SPOCK3: variants seen among roughly 807,000 people sequenced by gnomAD.
The protein encoded by SPOCK3 is SPARC (osteonectin), cwcv and kazal like domains proteoglycan 3, also known as testican-3.
In SPOCK3, 30 loss-of-function variants were observed where a neutral mutation model predicts 56.6. The ratio of observed to expected loss-of-function variants is 0.53; its 90% confidence interval spans 0.40 to 0.72. The LOEUF (loss-of-function observed/expected upper bound fraction) is 0.72, where lower values mean the gene tolerates loss of function less well. Ranked by LOEUF, SPOCK3 falls within the 30% of genes least tolerant of loss-of-function variation. The pLI, the probability that SPOCK3 is intolerant of heterozygous loss-of-function variation, is 0.00. For missense variants in SPOCK3, 527 were observed against 530.0 expected, an observed-to-expected ratio of 0.99 and a Z score of 0.06; for synonymous variants, 196 against 183.3, an observed-to-expected ratio of 1.07 and a Z score of -0.56.
rs1342891534 is a variant in SPOCK3 at position 167,222,322 on chromosome 4, T to C, written c.189+11663A>G. Among the ~76,000 whole-genome samples, 3 of 151,960 alleles carry C rather than the reference T, an allele frequency of 2.0e-5. No individual in the cohort carries two copies. The East Asian group carries it at 5.8e-4, about 29-fold the overall frequency. On this transcript the variant is annotated intron_variant, in intron 2 of 10. Transcript: ENST00000357545. Reference sequence around the variant, plus strand: ...GCAAAATGGGATGTGGTTAAATGAGTATAAAGTTTCAGTTCTGCAATGAAA... The same window carrying C: ...GCAAAATGGGATGTGGTTAAATGAGCATAAAGTTTCAGTTCTGCAATGAAA...
chr4:167,087,872 T>A (rs1250020502), intron 2 of SPOCK3, among the ~76,000 whole-genome samples: 1 of 152,142 alleles, frequency 6.6e-6, no homozygotes, highest in Non-Finnish European at 1.5e-5. Context: ...CCTTTAGCTA[T>A]CAGAATTGTG....
intron 2 of SPOCK3, among the ~76,000 whole-genome samples, chr4:167,123,910 TA>T (rs1762073609): frequency 6.6e-6 from 1 of 151,892 alleles, no homozygotes; most frequent in Non-Finnish European, 1.5e-5. Flanking sequence ...CACGCCTGGC[TA>T]ATTTTTTGTA....
At chr4:166,828,949 T>G (rs769973186) in intron 6 of SPOCK3, among the ~76,000 whole-genome samples, 5 of 152,050 alleles carry the variant, frequency 3.3e-5, no homozygotes, top group Non-Finnish European at 5.9e-5. Context: ...CGATGATGCA[T>G]CTACTGTTTC....
intron 2 of SPOCK3, among the ~76,000 whole-genome samples, chr4:167,147,344 C>T (rs926657523): frequency 6.6e-6 from 1 of 152,094 alleles, no homozygotes; most frequent in African/African-American, 2.4e-5. Flanking sequence ...AAGTCCAGGA[C>T]CAGTTGGACT....
chr4:166,835,125 T>C (rs1171165802), intron 6 of SPOCK3, among the ~76,000 whole-genome samples: 1 of 152,084 alleles, frequency 6.6e-6, no homozygotes, highest in African/African-American at 2.4e-5. Context: ...ATGTCTTACA[T>C]TTATCTATAA....
intron 6 of SPOCK3, among the ~76,000 whole-genome samples, chr4:166,797,786 T>G (rs2126676555): frequency 6.6e-6 from 1 of 152,312 alleles, no homozygotes; most frequent in Non-Finnish European, 1.5e-5. Context: ...TATAAAATAT[T>G]TATTGTGTAT....
At chr4:166,774,731 T>C (rs747636560) in intron 7 of SPOCK3, among the ~76,000 whole-genome samples, 1 of 152,154 alleles carries the variant, frequency 6.6e-6, no homozygotes, top group Non-Finnish European at 1.5e-5. Context: ...TGGGAACACA[T>C]ATAAAGCTGT....
intron 3 of SPOCK3, among the ~76,000 whole-genome samples, chr4:167,023,081 G>T (rs1751353058): frequency 2.0e-5 from 3 of 150,720 alleles, no homozygotes; most frequent in Non-Finnish European, 3.0e-5. Flanking sequence ...TTTTTTTTTT[G>T]GCTAAATGGT....
At chr4:166,953,084 G>A (rs969528131) in intron 4 of SPOCK3, among the ~76,000 whole-genome samples, 14 of 151,794 alleles carry the variant, frequency 9.2e-5, no homozygotes, top group African/African-American at 3.4e-4. Flanking sequence ...ATTGACAAAT[G>A]GGATCTAATT....
intron 4 of SPOCK3, among the ~76,000 whole-genome samples, chr4:166,914,939 CTT>C (rs950677984): frequency 2.6e-5 from 4 of 151,634 alleles, no homozygotes; most frequent in Non-Finnish European, 5.9e-5. Flanking sequence ...TGTTCATATT[CTT>C]TTTTTTATTA....
At chr4:167,055,638 C>T (rs551453573) in intron 3 of SPOCK3, among the ~76,000 whole-genome samples, 5 of 152,202 alleles carry the variant, frequency 3.3e-5, no homozygotes, top group Admixed American at 6.5e-5. Context: ...ATACGGTGCA[C>T]CAGGAGATTA....
At chr4:166,842,132 G>A (rs1747463324) in intron 6 of SPOCK3, among the ~76,000 whole-genome samples, 1 of 152,214 alleles carries the variant, frequency 6.6e-6, no homozygotes, top group Admixed American at 6.5e-5. Context: ...TTTGCAGTGA[G>A]TGTTATAGCT....
intron 5 of SPOCK3, among the ~76,000 whole-genome samples, chr4:166,889,822 T>G (rs1734586692): frequency 6.6e-6 from 1 of 151,944 alleles, no homozygotes; most frequent in Admixed American, 6.6e-5. Flanking sequence ...CTTGTGATTT[T>G]CCACAAACAT....
chr4:166,817,666 G>T (rs993580527), intron 6 of SPOCK3, among the ~76,000 whole-genome samples: 1 of 151,990 alleles, frequency 6.6e-6, no homozygotes, highest in Non-Finnish European at 1.5e-5. Flanking sequence ...CTCTAAGAAA[G>T]AATCCAATTT....
intron 5 of SPOCK3, among the ~76,000 whole-genome samples, chr4:166,906,359 G>A (rs973344321): frequency 2.0e-5 from 3 of 151,820 alleles, no homozygotes; most frequent in Admixed American, 6.6e-5. Context: ...GTGTAGAAAC[G>A]GGTTTTTGCC....
intron 6 of SPOCK3, among the ~76,000 whole-genome samples, chr4:166,886,980 G>C (rs1309690708): frequency 1.3e-5 from 2 of 152,142 alleles, no homozygotes; most frequent in Non-Finnish European, 2.9e-5. Context: ...GTCAGAGGAG[G>C]ATTAGTTTAA....
intron 4 of SPOCK3, among the ~76,000 whole-genome samples, chr4:166,953,441 G>C (rs1378173022): frequency 1.3e-5 from 2 of 151,214 alleles, no homozygotes; most frequent in South Asian, 4.2e-4. Flanking sequence ...AACAACAGGT[G>C]CTGGAGAGGA....
intron 2 of SPOCK3, among the ~76,000 whole-genome samples, chr4:167,220,606 A>T (rs1045153872): frequency 1.3e-5 from 2 of 150,998 alleles, no homozygotes; most frequent in Non-Finnish European, 2.9e-5. Flanking sequence ...GGCTGGTCTC[A>T]AACTCCTGGC....
chr4:166,795,996 C>G (rs1275540657), intron 6 of SPOCK3, among the ~76,000 whole-genome samples: 1 of 152,130 alleles, frequency 6.6e-6, no homozygotes, highest in South Asian at 2.1e-4. Flanking sequence ...CATTAGTGCT[C>G]TTTTAAAATG....
Sources: gnomAD v4.1 joint callset for allele counts (sites outside exome capture counted in the v4.1 genomes callset) on GRCh38, gnomAD v4.1.1 for gene constraint, MANE v1.5 for transcripts, NCBI Gene and HGNC (gene_info 2026-07-23, HGNC 2026-07-21) for gene names.